TRIM38: variants seen among roughly 807,000 people sequenced by gnomAD.
TRIM38 encodes tripartite motif containing 38.
TRIM38 carries 35 observed loss-of-function variants against 35.8 expected under a neutral mutation model. The ratio of observed to expected loss-of-function variants is 0.98; its 90% confidence interval spans 0.75 to 1.30. The LOEUF (loss-of-function observed/expected upper bound fraction) is 1.30, where lower values mean the gene tolerates loss of function less well. Ranked by LOEUF, TRIM38 falls within the 50% of genes most tolerant of loss-of-function variation. The pLI is 0.00. For missense variants in TRIM38, 545 were observed against 556.9 expected, an observed-to-expected ratio of 0.98 and a Z score of 0.21; for synonymous variants, 198 against 204.7, an observed-to-expected ratio of 0.97 and a Z score of 0.28.
rs201589214 is a variant in TRIM38, at chr6:25,966,899, C to T, written c.377C>T (p.Thr126Ile). ...ERAPQHKGHT[T>I]ALVEDVCQGY... ...GCACCACAGCACAAAGGGCACACCA[C>T]AGCTCTTGTTGAAGACGTATGCCAG... The change falls in exon 3 of 8, where the codon ACA (threonine) becomes ATA (isoleucine). Residue 126 changes from threonine to isoleucine, a missense_variant. By Grantham distance (89) the Thr-to-Ile change is moderately conservative. Coordinates refer to ENST00000357085, the MANE Select transcript of TRIM38 (RefSeq NM_006355.5). 56 of 1,611,944 alleles carry T rather than the reference C, an allele frequency of 3.5e-5. No individual in the cohort carries two copies. Among genetic ancestry groups the T allele is most frequent in the Non-Finnish European group, 4.5e-5 (53 of 1,178,322 alleles).
chr6:25,972,551 G>A (rs1341713106), intron 5 of TRIM38, among the ~76,000 whole-genome samples: 1 of 152,208 alleles, frequency 6.6e-6, no homozygotes, highest in Non-Finnish European at 1.5e-5. Context: ...TAACTAACAG[G>A]ATTGGTGACT....
chr6:25,983,104 A>C, intron 7 of TRIM38, 60 bp from the exon 8 acceptor site: 1 of 1,487,036 alleles, frequency 6.7e-7, no homozygotes, highest in South Asian at 1.4e-5. Context: ...AATAAAATAA[A>C]ATAACCTGTG....
At position 25,983,779 on chromosome 6, in the gene TRIM38, C is replaced by A; in HGVS notation, c.*92C>A. ...ACGTTTGGTCTGTTTTCTTCGCTGT[C>A]ATTTCCTTAGTAGTTAGACTAGTGC... is the stretch of plus-strand genomic sequence containing the variant. On this transcript the variant is annotated 3_prime_UTR_variant, in exon 8 of 8. Transcript: ENST00000357085. 8.1e-7 allele frequency: 1 copy of A among 1,228,596 alleles called. No individual in the cohort carries two copies. Among genetic ancestry groups the A allele is most frequent in the Non-Finnish European group, 1.1e-6 (1 of 894,188 alleles). 76.1% of individuals were successfully genotyped at this position (1,228,596 alleles called of 1,614,324 possible). A position where few individuals can be genotyped will look rare whatever the true frequency, so the allele number is the denominator to read the frequency against.
At chr6:25,975,719 C>G in intron 7 of TRIM38, 15 of 967,692 alleles carry the variant, frequency 1.6e-5, no homozygotes, top group Non-Finnish European at 1.8e-5. Flanking sequence ...ACAAACGTAA[C>G]ATATATACAC....
At chr6:25,973,643 A>T (rs915331494) in intron 7 of TRIM38, 18 of 984,900 alleles carry the variant, frequency 1.8e-5, no homozygotes, top group Non-Finnish European at 2.2e-5. Flanking sequence ...CCTGTGACTG[A>T]CACATGATCA....
Position 25,966,944 on chromosome 6 carries a change from G to T in TRIM38, c.411+11G>T. ...TGCCAGGGCTACAAGGTGAGTGTGT[G>T]GGCCCGGGAGCTTTGGTAAGTACCA... is the stretch of plus-strand genomic sequence containing the variant. On this transcript the variant is annotated intron_variant, in intron 3 of 7. Coordinates refer to ENST00000357085, the MANE Select transcript of TRIM38 (RefSeq NM_006355.5). 1 of 1,587,064 alleles carries T rather than the reference G, an allele frequency of 6.3e-7. No homozygotes were observed. The highest frequency in any genetic ancestry group is 8.6e-7 in the Non-Finnish European group (1 of 1,162,568).
intron 5 of TRIM38, 75 bp from the exon 6 acceptor site, chr6:25,972,979 A>G (rs1287576070): frequency 2.5e-6 from 4 of 1,593,738 alleles, no homozygotes; most frequent in East Asian, 2.2e-5. Context: ...AAAGCAAAGA[A>G]GAATAGCCCT....
intron 7 of TRIM38, among the ~76,000 whole-genome samples, chr6:25,976,269 T>C (rs1309376654): frequency 6.6e-6 from 1 of 152,062 alleles, no homozygotes; most frequent in Non-Finnish European, 1.5e-5. Flanking sequence ...GCAAAGTTGT[T>C]ATTTACTTAT....
rs545523120 is a variant in TRIM38 at position 25,970,093 on chromosome 6, A to AT, written c.507+677dup. Among the ~76,000 whole-genome samples the AT allele has an allele frequency of 1.6e-4, 24 of 151,746 alleles. No individual in the cohort carries two copies. The East Asian group carries it at 3.1e-3, about 20-fold the overall frequency. Reference sequence around the variant, plus strand: ...CTACCATGCCTGGCTAATTTTTTGTATTTTAGTAGAGACGGGGTTTCACCA... The same window carrying AT: ...CTACCATGCCTGGCTAATTTTTTGTATTTTTAGTAGAGACGGGGTTTCACCA... On this transcript the variant is annotated intron_variant, in intron 4 of 7. Transcript: ENST00000357085.
In TRIM38 at chr6:25,966,797, CAT is replaced by C; in HGVS notation, c.276_277del (p.Cys93Ter). The C allele has an allele frequency of 6.2e-7, 1 of 1,614,192 alleles. No individual in the cohort carries two copies. The highest frequency in any genetic ancestry group is 8.5e-7 in the Non-Finnish European group (1 of 1,180,024). On this transcript the variant is annotated frameshift_variant, in exon 3 of 8. Coordinates refer to ENST00000357085, the MANE Select transcript of TRIM38 (RefSeq NM_006355.5). LOFTEE classifies it high-confidence loss of function. ...CTCAAAGAGACGGATCAAGAAATGT[CAT>C]GTGAGGAACACGGAGAGCAGTTCCA...
At position 25,983,281 on chromosome 6, in the gene TRIM38, C is replaced by G. The variant is rs150773797; in HGVS notation, c.992C>G (p.Thr331Ser). 1.9e-6 allele frequency: 3 copies of G among 1,614,080 alleles called. No individual in the cohort carries two copies. The African/African-American group carries it at 4.0e-5, about 22-fold the overall frequency. Residue 331 changes from threonine to serine, a missense_variant, in exon 8 of 8, where the codon ACT becomes AGT. Physicochemically the swap from Thr to Ser is moderately conservative, Grantham distance 58. Coordinates refer to ENST00000357085, the MANE Select transcript of TRIM38 (RefSeq NM_006355.5). ...ENQDTSSRRFTAFPCVLGCEG... is the reference protein window; with the variant it reads ...ENQDTSSRRFSAFPCVLGCEG... ...CAGGACACATCTTCCAGGAGATTTACTGCCTTCCCCTGTGTCTTGGGTTGT... is the reference window on the plus strand; with the variant it reads ...CAGGACACATCTTCCAGGAGATTTAGTGCCTTCCCCTGTGTCTTGGGTTGT...
rs955943969 is a variant in TRIM38 at position 25,988,305 on chromosome 6, C to A, written c.*4618C>A. 1 of 152,052 alleles carries A rather than the reference C, an allele frequency of 6.6e-6. No individual in the cohort carries two copies. Among genetic ancestry groups the A allele is most frequent in the African/African-American group, 2.4e-5 (1 of 41,398 alleles). 9.4% of individuals were successfully genotyped at this position (152,052 alleles called of 1,614,324 possible). On this transcript the variant is annotated 3_prime_UTR_variant, in exon 8 of 8. Transcript: ENST00000357085. ...GCTGCTTCAGTAAAAGTTGCTAACA[C>A]CACCACTTCACCCTTGAATTCTTCC...
At chr6:25,962,894 G>C (rs1250658997) in intron 1 of TRIM38, 39 bp downstream of exon 1, 1 of 152,406 alleles carries the variant, frequency 6.6e-6, no homozygotes, top group Non-Finnish European at 1.5e-5. Context: ...AAAAGGTCCA[G>C]GCTAAGGTTT....
At chr6:25,963,763 C>G (rs1759925973) in intron 2 of TRIM38, among the ~76,000 whole-genome samples, 1 of 152,138 alleles carries the variant, frequency 6.6e-6, no homozygotes, top group African/African-American at 2.4e-5. Flanking sequence ...TTCTGGTTGC[C>G]TTGATTGCTT....
At chr6:25,967,035 T>A (rs190717587) in intron 3 of TRIM38, 102 bp downstream of exon 3, 6 of 1,250,250 alleles carry the variant, frequency 4.8e-6, no homozygotes, top group Middle Eastern at 3.9e-4. Context: ...GACTTGGAAA[T>A]ACAGCTTTCA....
At chr6:25,967,694 A>C (rs1581598188) in intron 3 of TRIM38, among the ~76,000 whole-genome samples, 1 of 150,674 alleles carries the variant, frequency 6.6e-6, no homozygotes, top group East Asian at 1.9e-4. Flanking sequence ...GCCCCACCAT[A>C]CCTGGATAAT....
rs114480880 is a variant in TRIM38, at chr6:25,966,791, A to G, written c.269A>G (p.Glu90Gly). 1,646 of 1,614,218 alleles carry G rather than the reference A, an allele frequency of 1.0e-3. 15 individuals carry two copies. In the African/African-American group the frequency reaches 0.019, roughly 19 times the overall value. The change falls in exon 3 of 8, where the codon GAA (glutamate) becomes GGA (glycine). Residue 90 changes from glutamate (E) to glycine (G), a missense_variant. Physicochemically the swap from Glu to Gly is moderately conservative, Grantham distance 98. Transcript: ENST00000357085. ...GAAGCCCTCAAAGAGACGGATCAAG[A>G]AATGTCATGTGAGGAACACGGAGAG... ...LIEALKETDQ[E>G]MSCEEHGEQF...
Position 25,966,743 on chromosome 6 carries a change from A to T in TRIM38, c.221A>T (p.Asn74Ile), listed in dbSNP as rs1266198793. Residue 74 changes from asparagine to isoleucine, a missense_variant, in exon 3 of 8, where the codon AAC becomes ATC. Transcript: ENST00000357085. Reference sequence around the variant, plus strand: ...TTTCATATGGATAGCCTCCGACCCAACAAGCAGCTGGGAAGCCTCATTGAA... The same window carrying T: ...TTTCATATGGATAGCCTCCGACCCATCAAGCAGCTGGGAAGCCTCATTGAA... ...APFHMDSLRP[N>I]KQLGSLIEAL... 6 of 1,614,092 alleles carry T rather than the reference A, an allele frequency of 3.7e-6. No individual in the cohort carries two copies. Among genetic ancestry groups the T allele is most frequent in the Non-Finnish European group, 5.1e-6 (6 of 1,180,048 alleles).
rs1450923502 is a variant in TRIM38, at chr6:25,986,087, A to T, written c.*2400A>T. The stretch of plus-strand genomic sequence containing the variant: ...ATACAGAAGAAAATAGGAACAAAAG[A>T]ATATATACTGGAATAATTTTGAGAG... On this transcript the variant is annotated 3_prime_UTR_variant, in exon 8 of 8. Transcript: ENST00000357085. 1 of 152,206 alleles carries T rather than the reference A, an allele frequency of 6.6e-6. No homozygotes were observed. Among genetic ancestry groups the T allele is most frequent in the Non-Finnish European group, 1.5e-5 (1 of 68,034 alleles). 9.4% of individuals were successfully genotyped at this position (152,206 alleles called of 1,614,324 possible).
Sources: allele counts gnomAD v4.1 joint callset (sites outside exome capture counted in the v4.1 genomes callset), GRCh38; gene constraint gnomAD v4.1.1; transcripts MANE v1.5; gene names NCBI Gene and HGNC (gene_info 2026-07-23, HGNC 2026-07-21).